The following PRKCH variants were observed in gnomAD, a reference collection of about 807,000 sequenced individuals.
The protein encoded by PRKCH is protein kinase C eta type.
Under a neutral mutation model 82.5 loss-of-function variants are expected in PRKCH, and 28 were observed. The ratio of observed to expected loss-of-function variants is 0.34; its 90% CI spans 0.25 to 0.47. The LOEUF is 0.47. Among genes scored for constraint, PRKCH ranks in the 20% least tolerant of loss-of-function variants. The pLI, the probability that PRKCH is intolerant of heterozygous loss-of-function variation, is 1.00. For missense variants in PRKCH, 705 were observed against 881.8 expected, an observed-to-expected ratio of 0.80 and a Z score of 2.54; for synonymous variants, 322 against 327.4, an observed-to-expected ratio of 0.98 and a Z score of 0.18.
intron 1 of PRKCH, among the ~76,000 whole-genome samples, chr14:61,286,977 G>T (rs973667670): frequency 2.0e-5 from 3 of 151,810 alleles, no homozygotes; most frequent in Non-Finnish European, 4.4e-5. Context: ...AGGCCAAGGC[G>T]GGTGGATCAC....
At chr14:61,333,832 C>A (rs751954174) in intron 1 of PRKCH, among the ~76,000 whole-genome samples, 1 of 152,180 alleles carries the variant, frequency 6.6e-6, no homozygotes, top group Non-Finnish European at 1.5e-5. Context: ...CATTCACCCT[C>A]TTTTTGAGCT....
At chr14:61,365,311 G>C (rs1307348365) in intron 1 of PRKCH, among the ~76,000 whole-genome samples, 1 of 152,022 alleles carries the variant, frequency 6.6e-6, no homozygotes, top group Non-Finnish European at 1.5e-5. Flanking sequence ...TAAAAAGTCT[G>C]ACTTTGTGTC....
At chr14:61,462,807 G>C (rs1227557714) in intron 9 of PRKCH, among the ~76,000 whole-genome samples, 1 of 152,194 alleles carries the variant, frequency 6.6e-6, no homozygotes, top group Non-Finnish European at 1.5e-5. Flanking sequence ...CATTGTGAGG[G>C]CCTTTGTAAA....
chr14:61,211,340 C>G (rs996707692), intron 1 of PRKCH, among the ~76,000 whole-genome samples: 2 of 152,220 alleles, frequency 1.3e-5, no homozygotes, highest in African/African-American at 4.8e-5. Context: ...GACACTCCAT[C>G]ACTTCCACAA....
rs1052802579 is a variant in PRKCH at position 61,535,562 on chromosome 14, G to C, written c.1761+4967G>C. Among the ~76,000 whole-genome samples, 4 of 152,168 alleles carry C rather than the reference G, an allele frequency of 2.6e-5. No individual in the cohort carries two copies. In the East Asian group the frequency reaches 7.7e-4, roughly 29 times the overall value. Reference sequence around the variant, plus strand: ...GCGGGTTGGAGTGTGATGAGCAAAGGGGTGGGGCAGTGAGAGCTTCAGGTG... The same window carrying C: ...GCGGGTTGGAGTGTGATGAGCAAAGCGGTGGGGCAGTGAGAGCTTCAGGTG... On this transcript the variant is annotated intron_variant, in intron 12 of 13. Coordinates refer to ENST00000332981, the MANE Select transcript of PRKCH (RefSeq NM_006255.5).
At chr14:61,250,589 G>A (rs534651411) in intron 1 of PRKCH, among the ~76,000 whole-genome samples, 1 of 152,294 alleles carries the variant, frequency 6.6e-6, no homozygotes, top group South Asian at 2.1e-4. Flanking sequence ...AGGTTAGGGG[G>A]AGGAGGGGAC....
chr14:61,271,969 T>C (rs1330534954), intron 1 of PRKCH, among the ~76,000 whole-genome samples: 1 of 152,178 alleles, frequency 6.6e-6, no homozygotes, highest in Non-Finnish European at 1.5e-5. Flanking sequence ...CTCACGCCTG[T>C]AATCCCAGCA....
rs577346520 is a variant in PRKCH at position 61,548,826 on chromosome 14, C to T, written c.1906-859C>T. Among the ~76,000 whole-genome samples, 12 of 144,792 alleles carry T rather than the reference C, an allele frequency of 8.3e-5. No homozygotes were observed. The East Asian group carries it at 1.6e-3, about 20-fold the overall frequency. 95.0% of individuals were successfully genotyped at this position (144,792 alleles called of 152,430 possible). The stretch of plus-strand genomic sequence containing the variant: ...TGCAGTGAGCCGAGATTGCGTCATG[C>T]GCTCCAGCCTGGGCAACTGAGTTAG... On this transcript the variant is annotated intron_variant, in intron 13 of 13. Transcript: ENST00000332981.
At chr14:61,401,609 A>G (rs10140550) in intron 2 of PRKCH, among the ~76,000 whole-genome samples, 2,931 of 152,346 alleles carry the variant, frequency 0.019, 71 homozygotes, top group African/African-American at 0.067. Flanking sequence ...CTATAAAGTC[A>G]TCATTGTATT....
intron 10 of PRKCH, among the ~76,000 whole-genome samples, chr14:61,521,638 G>A (rs1432085386): frequency 1.3e-5 from 2 of 151,718 alleles, no homozygotes; most frequent in Non-Finnish European, 2.9e-5. Context: ...TGTGATCATG[G>A]CTCACTGCAG....
chr14:61,416,090 T>A (rs1180311789), intron 2 of PRKCH, among the ~76,000 whole-genome samples: 1 of 127,098 alleles, frequency 7.9e-6, no homozygotes, highest in African/African-American at 2.9e-5. Context: ...GGGGTGTCAC[T>A]GTCACCCTGG....
intron 1 of PRKCH, among the ~76,000 whole-genome samples, chr14:61,196,146 A>G (rs529952870): frequency 6.6e-6 from 1 of 152,350 alleles, no homozygotes; most frequent in South Asian, 2.1e-4. Context: ...AAGATGCTAA[A>G]GCATAACATT....
At chr14:61,291,593 G>T (rs1420293636) in intron 1 of PRKCH, among the ~76,000 whole-genome samples, 1 of 152,076 alleles carries the variant, frequency 6.6e-6, no homozygotes, top group Non-Finnish European at 1.5e-5. Context: ...GCCTCCCAAA[G>T]TGCTGGGATT....
intron 2 of PRKCH, among the ~76,000 whole-genome samples, chr14:61,408,565 G>C (rs1253750772): frequency 2.0e-5 from 3 of 152,110 alleles, no homozygotes; most frequent in African/African-American, 4.8e-5. Flanking sequence ...CTTAAGCAAT[G>C]GTTGCCTTAT....
chr14:61,348,704 A>G (rs1290019296), intron 1 of PRKCH, among the ~76,000 whole-genome samples: 1 of 152,220 alleles, frequency 6.6e-6, no homozygotes, highest in Non-Finnish European at 1.5e-5. Flanking sequence ...ATTTGTTAAT[A>G]TCACCTTTAT....
chr14:61,260,505 G>A (rs2045036576), intron 1 of PRKCH, among the ~76,000 whole-genome samples: 1 of 152,194 alleles, frequency 6.6e-6, no homozygotes, highest in Non-Finnish European at 1.5e-5. Flanking sequence ...TAGCAGATTT[G>A]TGAAATACCC....
At chr14:61,408,550 G>A (rs1279002770) in intron 2 of PRKCH, among the ~76,000 whole-genome samples, 1 of 152,112 alleles carries the variant, frequency 6.6e-6, no homozygotes, top group Non-Finnish European at 1.5e-5. Context: ...TCCTTGCTGC[G>A]TGACCTTAAG....
intron 1 of PRKCH, among the ~76,000 whole-genome samples, chr14:61,285,628 T>C (rs2045308330): frequency 6.6e-6 from 1 of 152,222 alleles, no homozygotes; most frequent in African/African-American, 2.4e-5. Flanking sequence ...GTAAACACTT[T>C]ATATACATTG....
intron 2 of PRKCH, among the ~76,000 whole-genome samples, chr14:61,403,700 A>G (rs1224943807): frequency 6.6e-6 from 1 of 152,220 alleles, no homozygotes; most frequent in Admixed American, 6.5e-5. Flanking sequence ...CTGAACCTCA[A>G]AAACAGCTCA....
Sources: allele counts gnomAD v4.1 joint callset (sites outside exome capture counted in the v4.1 genomes callset), GRCh38; gene constraint gnomAD v4.1.1; transcripts MANE v1.5; gene names NCBI Gene and HGNC (gene_info 2026-07-23, HGNC 2026-07-21).